The following MAF variants were observed in gnomAD, a reference collection of about 807,000 sequenced individuals.
The protein encoded by MAF is transcription factor Maf.
In MAF, 10 loss-of-function variants were observed where a neutral mutation model predicts 22.0. That is an observed-to-expected ratio of 0.45 (90% confidence interval 0.28 to 0.77). The LOEUF is 0.77. Among genes scored for constraint, MAF ranks in the 30% least tolerant of loss-of-function variants. MAF has a pLI of 0.12. For missense variants in MAF, 544 were observed against 548.4 expected, an observed-to-expected ratio of 0.99 and a Z score of 0.08; for synonymous variants, 337 against 255.8, an observed-to-expected ratio of 1.32 and a Z score of -3.03.
the MAF span, among the ~76,000 whole-genome samples, chr16:79,223,552 CA>C: frequency 6.6e-6 from 1 of 152,016 alleles, no homozygotes; most frequent in Non-Finnish European, 1.5e-5. Context: ...AAAAACCCTT[CA>C]AAAAATCAAT....
At chr16:79,280,326 G>A in the MAF span, among the ~76,000 whole-genome samples, 3 of 152,244 alleles carry the variant, frequency 2.0e-5, no homozygotes, top group Admixed American at 6.5e-5. Context: ...ACTGGATCAA[G>A]AGTCCAGCTG....
At chr16:79,231,262 C>G in the MAF span, among the ~76,000 whole-genome samples, 1 of 151,940 alleles carries the variant, frequency 6.6e-6, no homozygotes, top group Non-Finnish European at 1.5e-5. Context: ...GTTTAAGAAC[C>G]CGGGCTAGCA....
chr16:79,554,493 T>C, the MAF span, among the ~76,000 whole-genome samples: 1 of 152,146 alleles, frequency 6.6e-6, no homozygotes, highest in Non-Finnish European at 1.5e-5. Flanking sequence ...TTGATCAGAA[T>C]TCTAGGAATC....
chr16:79,460,146 TTC>T, the MAF span, among the ~76,000 whole-genome samples: 4,965 of 152,302 alleles, frequency 0.033, 98 homozygotes, highest in South Asian at 0.054. Context: ...TGCAAATATT[TTC>T]TGTTTATCAT....
the MAF span, among the ~76,000 whole-genome samples, chr16:79,502,209 C>T: frequency 6.6e-6 from 1 of 152,168 alleles, no homozygotes; most frequent in Non-Finnish European, 1.5e-5. Context: ...TGAGGCCCGG[C>T]TACTTCCATC....
At chr16:79,597,288 A>G in intron 1 of MAF, 1 of 1,045,206 alleles carries the variant, frequency 9.6e-7, no homozygotes, top group Non-Finnish European at 1.2e-6. Context: ...CTAACAGATT[A>G]TAAAAACTAG....
At position 79,600,002 on chromosome 16, in the gene MAF, G is replaced by A; in HGVS notation, c.-100C>T. On this transcript the variant is annotated 5_prime_UTR_variant, in exon 1 of 2. Coordinates refer to ENST00000326043, the MANE Select transcript of MAF (RefSeq NM_005360.5). ...GGGTGGCCAGCGGGTGAGCCAGCTT[G>A]CCGGGCTGGGGCGCTTCTAGCTTGC... The A allele has an allele frequency of 2.6e-6, 4 of 1,537,606 alleles. No individual in the cohort carries two copies. The highest frequency in any genetic ancestry group is 3.5e-6 in the Non-Finnish European group (4 of 1,134,090).
chr16:79,482,884 CCCTCCTTCCTTCCCTCCCTA>C, the MAF span, among the ~76,000 whole-genome samples: 1 of 120,354 alleles, frequency 8.3e-6, no homozygotes, highest in Admixed American at 8.2e-5. Context: ...TCCTCTCCCT[CCCTCCTTCCTTCCCTCCCTA>C]CCTCCTTCCT....
chr16:79,205,482 C>G, the MAF span: 2 of 152,180 alleles, frequency 1.3e-5, no homozygotes, highest in South Asian at 2.1e-4. Context: ...GGCATGTTCT[C>G]TTCTGGAGGG....
the MAF span, among the ~76,000 whole-genome samples, chr16:79,419,676 A>G: frequency 6.6e-6 from 1 of 152,196 alleles, no homozygotes; most frequent in Non-Finnish European, 1.5e-5. Context: ...GATTTTCTGG[A>G]GCCGGGGAGA....
At chr16:79,417,327 C>T in the MAF span, among the ~76,000 whole-genome samples, 28 of 152,330 alleles carry the variant, frequency 1.8e-4, no homozygotes, top group African/African-American at 6.7e-4. Flanking sequence ...AAATAATTAG[C>T]ATCAGAATAG....
chr16:79,392,720 C>G, the MAF span, among the ~76,000 whole-genome samples: 1 of 152,152 alleles, frequency 6.6e-6, no homozygotes, highest in Non-Finnish European at 1.5e-5. Context: ...TCAGCCCACA[C>G]CGCCATGCTG....
intron 1 of MAF, chr16:79,596,403 G>C: frequency 3.8e-6 from 4 of 1,057,540 alleles, no homozygotes; most frequent in Non-Finnish European, 4.6e-6. Context: ...TTCCACTGGA[G>C]AAAAGGATGC....
chr16:79,211,213 G>C, the MAF span, among the ~76,000 whole-genome samples: 4 of 152,262 alleles, frequency 2.6e-5, 1 homozygote, highest in South Asian at 6.2e-4. Context: ...TTCTACAAAC[G>C]ATTTGGTATC....
the MAF span, among the ~76,000 whole-genome samples, chr16:79,251,392 T>C: frequency 6.7e-6 from 1 of 149,784 alleles, no homozygotes; most frequent in South Asian, 2.1e-4. Context: ...CTTGGCTCAC[T>C]GCAACCTCTG....
chr16:79,487,372 G>A, the MAF span, among the ~76,000 whole-genome samples: 2 of 152,238 alleles, frequency 1.3e-5, no homozygotes, highest in East Asian at 3.9e-4. Flanking sequence ...TCTATATTTT[G>A]ATCTGAGTGG....
the MAF span, among the ~76,000 whole-genome samples, chr16:79,477,874 G>A: frequency 4.0e-5 from 6 of 151,732 alleles, no homozygotes; most frequent in Non-Finnish European, 8.8e-5. Flanking sequence ...ACAGGCGCGT[G>A]CCACCAGGCC....
the MAF span, among the ~76,000 whole-genome samples, chr16:79,314,816 C>T: frequency 6.6e-6 from 1 of 152,178 alleles, no homozygotes; most frequent in Non-Finnish European, 1.5e-5. Context: ...ACTTCCTTCC[C>T]TTCCTAGAAG....
chr16:79,328,221 A>AT, the MAF span, among the ~76,000 whole-genome samples: 1 of 152,074 alleles, frequency 6.6e-6, no homozygotes, highest in South Asian at 2.1e-4. Context: ...TTCAGAGGGC[A>AT]TTGCCTGGCC....
Sources: gnomAD v4.1 joint callset for allele counts (sites outside exome capture counted in the v4.1 genomes callset) on GRCh38, gnomAD v4.1.1 for gene constraint, MANE v1.5 for transcripts, NCBI Gene and HGNC (gene_info 2026-07-23, HGNC 2026-07-21) for gene names.